Variants in TSPAN9 observed in about 807,000 individuals in gnomAD.
TSPAN9 encodes tetraspanin-9.
Under a neutral mutation model 31.0 loss-of-function variants are expected in TSPAN9, and 16 were observed. The ratio of observed to expected loss-of-function variants is 0.52; its 90% CI spans 0.35 to 0.78. The LOEUF is 0.78. Among genes scored for constraint, TSPAN9 ranks in the 30% least tolerant of loss-of-function variants. The pLI, the probability that TSPAN9 is intolerant of heterozygous loss-of-function variation, is 0.01. For missense variants in TSPAN9, 272 were observed against 312.5 expected (o/e 0.87, Z 0.98); for synonymous variants, 145 against 121.6 (o/e 1.19, Z -1.27).
intron 2 of TSPAN9, among the ~76,000 whole-genome samples, chr12:3,116,688 G>A (rs932293401): frequency 3.9e-5 from 6 of 152,132 alleles, no homozygotes; most frequent in African/African-American, 1.2e-4. Flanking sequence ...GCACAGCTCA[G>A]GTTTTCAGCC....
At chr12:3,097,356 T>C (rs1430117081) in intron 2 of TSPAN9, among the ~76,000 whole-genome samples, 2 of 152,158 alleles carry the variant, frequency 1.3e-5, no homozygotes, top group Non-Finnish European at 2.9e-5. Flanking sequence ...TGTGGCTATT[T>C]TGGGTTTGGT....
chr12:3,151,772 C>G (rs1340655078), intron 2 of TSPAN9, among the ~76,000 whole-genome samples: 1 of 151,930 alleles, frequency 6.6e-6, no homozygotes, highest in Admixed American at 6.5e-5. Context: ...TTCTTAAAAA[C>G]AAAACAAAAC....
chr12:3,262,981 G>T (rs1862478515), intron 3 of TSPAN9, among the ~76,000 whole-genome samples: 1 of 152,128 alleles, frequency 6.6e-6, no homozygotes, highest in Non-Finnish European at 1.5e-5. Flanking sequence ...TCTCACAAGG[G>T]GGCGAGCAGT....
intron 2 of TSPAN9, among the ~76,000 whole-genome samples, chr12:3,103,566 T>C (rs1301941686): frequency 1.3e-5 from 2 of 152,054 alleles, no homozygotes; most frequent in Non-Finnish European, 2.9e-5. Flanking sequence ...GGAGAAATCA[T>C]TTTGGGGTCT....
At chr12:3,115,073 T>G (rs2098321517) in intron 2 of TSPAN9, among the ~76,000 whole-genome samples, 2 of 132,030 alleles carry the variant, frequency 1.5e-5, no homozygotes, top group East Asian at 2.4e-4. Flanking sequence ...CATGCCCCCC[T>G]TCCCTGCCCC....
intron 2 of TSPAN9, among the ~76,000 whole-genome samples, chr12:3,169,699 G>A (rs56103839): frequency 0.11 from 16,272 of 152,246 alleles, 937 homozygotes; most frequent in African/African-American, 0.12. Flanking sequence ...TTTGGGAAAG[G>A]CTTCCATGCC....
chr12:3,117,409 G>T (rs560648751), intron 2 of TSPAN9, among the ~76,000 whole-genome samples: 7 of 152,288 alleles, frequency 4.6e-5, no homozygotes, highest in African/African-American at 1.4e-4. Context: ...AACAAGGGGA[G>T]GGGAGAGGAA....
In TSPAN9 at chr12:3,176,322, A is replaced by C. The variant is rs149043814; in HGVS notation, c.-17-24855A>C. Among the ~76,000 whole-genome samples, 8 of 152,302 alleles carry C rather than the reference A, an allele frequency of 5.3e-5. No individual in the cohort carries two copies. In the East Asian group the frequency reaches 1.5e-3, roughly 29 times the overall value. Reference sequence around the variant, plus strand: ...CTGGGCTGGGGAAGGAAGAGCCTTCATGGAGAAAACTGAGCGTCCAAGAGA... The same window carrying C: ...CTGGGCTGGGGAAGGAAGAGCCTTCCTGGAGAAAACTGAGCGTCCAAGAGA... On this transcript the variant is annotated intron_variant, in intron 2 of 8. Transcript: ENST00000011898.
intron 2 of TSPAN9, among the ~76,000 whole-genome samples, chr12:3,124,081 T>C (rs1355569752): frequency 1.3e-5 from 2 of 152,168 alleles, no homozygotes; most frequent in African/African-American, 4.8e-5. Context: ...CATTTTCAGC[T>C]GGTATATGAG....
At position 3,220,145 on chromosome 12, in the gene TSPAN9, C is replaced by CAAAAAAAAAAAAAAAAAAAAAA. The variant is rs55735802; in HGVS notation, c.63+18903_63+18904insAAAAAAAAAAAAAAAAAAAAAA. Among the ~76,000 whole-genome samples the CAAAAAAAAAAAAAAAAAAAAAA allele has an allele frequency of 3.1e-3, 419 of 137,222 alleles. 5 individuals carry two copies. The highest frequency in any genetic ancestry group is 7.6e-3 in the Middle Eastern group (2 of 264). The allele number at this position is 137,222 out of a possible 152,430, so 90.0% of individuals were successfully genotyped here. A position where few individuals can be genotyped will look rare whatever the true frequency, so the allele number is the denominator to read the frequency against. ...GGGTGACAAGAGCGAAACTCTGTCT[C>CAAAAAAAAAAAAAAAAAAAAAA]AAAAAAAAAAAAAAGGAATGAATCT... is the stretch of plus-strand genomic sequence containing the variant. On this transcript the variant is annotated intron_variant, in intron 3 of 8. Transcript: ENST00000011898.
At chr12:3,204,454 A>G (rs1324519201) in intron 3 of TSPAN9, among the ~76,000 whole-genome samples, 1 of 152,148 alleles carries the variant, frequency 6.6e-6, no homozygotes, top group East Asian at 1.9e-4. Flanking sequence ...CACACAGCCC[A>G]TGGTCCTCCT....
chr12:3,189,040 C>G (rs1454286710), intron 2 of TSPAN9, among the ~76,000 whole-genome samples: 1 of 152,158 alleles, frequency 6.6e-6, no homozygotes, highest in East Asian at 1.9e-4. Flanking sequence ...AGCTTCTAGT[C>G]TTGTACAAAG....
At chr12:3,148,255 TGTAAA>T (rs1259327516) in intron 2 of TSPAN9, among the ~76,000 whole-genome samples, 5 of 152,154 alleles carry the variant, frequency 3.3e-5, no homozygotes, top group Admixed American at 6.5e-5. Context: ...AGAACTACCC[TGTAAA>T]GTAAATTATC....
rs1324300010 is a variant in TSPAN9 at position 3,104,869 on chromosome 12, C to G, written c.-18+21150C>G. Among the ~76,000 whole-genome samples, 5 of 152,212 alleles carry G rather than the reference C, an allele frequency of 3.3e-5. No individual in the cohort carries two copies. In the East Asian group the frequency reaches 9.6e-4, roughly 29 times the overall value. ...GGTTCCAAAGGTTGTGCCCTGGACT[C>G]TTGTCCATATTTCCAGAGCAAAAGG... On this transcript the variant is annotated intron_variant, in intron 2 of 8. Coordinates refer to ENST00000011898, the MANE Select transcript of TSPAN9 (RefSeq NM_006675.5).
intron 3 of TSPAN9, among the ~76,000 whole-genome samples, chr12:3,221,053 T>G (rs2098384245): frequency 6.6e-6 from 1 of 152,110 alleles, no homozygotes; most frequent in African/African-American, 2.4e-5. Context: ...TGGCTGTTGG[T>G]ACGGGGAGGA....
intron 3 of TSPAN9, among the ~76,000 whole-genome samples, chr12:3,242,713 A>G (rs1007739894): frequency 1.3e-5 from 2 of 152,220 alleles, no homozygotes; most frequent in Non-Finnish European, 2.9e-5. Context: ...CAGCTGCCAC[A>G]GTGGGGAGCC....
At chr12:3,130,382 A>T (rs980337959) in intron 2 of TSPAN9, among the ~76,000 whole-genome samples, 1 of 152,168 alleles carries the variant, frequency 6.6e-6, no homozygotes, top group African/African-American at 2.4e-5. Flanking sequence ...CGCGTCAGCT[A>T]CTAGCTTTCC....
intron 2 of TSPAN9, among the ~76,000 whole-genome samples, chr12:3,111,914 A>G (rs1164279070): frequency 6.6e-6 from 1 of 152,112 alleles, no homozygotes; most frequent in Admixed American, 6.6e-5. Context: ...ACTCAGCTGC[A>G]TTACCTTTTT....
rs1565578933 is a variant in TSPAN9 at position 3,109,286 on chromosome 12, G to GTGTGTGTGTGTGTGTGTGTA, written c.-18+25581_-18+25582insTGTGTATGTGTGTGTGTGTG. Among the ~76,000 whole-genome samples the GTGTGTGTGTGTGTGTGTGTA allele has an allele frequency of 6.9e-4, 91 of 131,736 alleles. 1 individual carries two copies. Among genetic ancestry groups the GTGTGTGTGTGTGTGTGTGTA allele is most frequent in the African/African-American group, 3.1e-3 (89 of 28,382 alleles). The allele number at this position is 131,736 out of a possible 152,430, so 86.4% of individuals were successfully genotyped here. On this transcript the variant is annotated intron_variant, in intron 2 of 8. Transcript: ENST00000011898. ...ATATAGTCTGTGTGTGTGTGTGTGT[G>GTGTGTGTGTGTGTGTGTGTA]TGTGTGTGTGTGTGAGAGAGAGTGT...
Sources: allele counts gnomAD v4.1 joint callset (sites outside exome capture counted in the v4.1 genomes callset), GRCh38; gene constraint gnomAD v4.1.1; transcripts MANE v1.5; gene names NCBI Gene and HGNC (gene_info 2026-07-23, HGNC 2026-07-21).